ARHGAP31: variants seen among roughly 807,000 people sequenced by gnomAD.
The protein encoded by ARHGAP31 is Rho GTPase activating protein 31.
In ARHGAP31, 34 loss-of-function variants were observed where a neutral mutation model predicts 113.9. The ratio of observed to expected loss-of-function variants is 0.30; its 90% confidence interval spans 0.23 to 0.40. The LOEUF (loss-of-function observed/expected upper bound fraction) is 0.40. ARHGAP31 is among the 10% of genes least tolerant of loss of function. The probability of loss-of-function intolerance (pLI) is 1.00; values close to 1 mark genes in which losing one functional copy is unlikely to be tolerated. For missense variants in ARHGAP31, 1,548 were observed against 1,767.1 expected (o/e 0.88, Z 2.22); for synonymous variants, 650 against 684.8 (o/e 0.95, Z 0.79).
intron 1 of ARHGAP31, among the ~76,000 whole-genome samples, chr3:119,321,837 G>A (rs974302900): frequency 3.3e-5 from 5 of 152,068 alleles, no homozygotes; most frequent in African/African-American, 9.7e-5. Context: ...ATTTTTAGTG[G>A]AGACGGGGTT....
intron 5 of ARHGAP31, among the ~76,000 whole-genome samples, chr3:119,382,839 A>T (rs958333281): frequency 6.6e-6 from 1 of 152,224 alleles, no homozygotes; most frequent in Non-Finnish European, 1.5e-5. Flanking sequence ...CAATTTCTGT[A>T]TGTTTACAGG....
intron 1 of ARHGAP31, among the ~76,000 whole-genome samples, chr3:119,300,894 C>T (rs1385872381): frequency 6.6e-6 from 1 of 151,528 alleles, no homozygotes; most frequent in Non-Finnish European, 1.5e-5. Context: ...CAGCTGAGTC[C>T]AGCAGAGCTG....
intron 1 of ARHGAP31, among the ~76,000 whole-genome samples, chr3:119,357,111 G>T (rs1420796032): frequency 6.6e-6 from 1 of 152,192 alleles, no homozygotes; most frequent in Admixed American, 6.5e-5. Context: ...TGATATATCA[G>T]TGCAGTTTTA....
chr3:119,415,437 C>A lies in ARHGAP31; in HGVS notation c.3508C>A (p.His1170Asn). The A allele has an allele frequency of 6.2e-7, 1 of 1,614,082 alleles. No homozygotes were observed. Among genetic ancestry groups the A allele is most frequent in the Non-Finnish European group, 8.5e-7 (1 of 1,180,028 alleles). The change falls in exon 12 of 12, where the codon CAT becomes AAT. Residue 1170 changes from histidine (H) to asparagine (N), a missense_variant. By Grantham distance (68) the His-to-Asn change is moderately conservative (BLOSUM62 1). Transcript: ENST00000264245. ...QDPQDLDIVA[H>N]ALTGRRNSAP... ...CCCCCAGGACCTGGACATTGTTGCT[C>A]ATGCACTGACAGGCCGCCGTAACTC...
At chr3:119,342,685 C>T (rs187429151) in intron 1 of ARHGAP31, among the ~76,000 whole-genome samples, 4 of 152,370 alleles carry the variant, frequency 2.6e-5, no homozygotes, top group Admixed American at 2.0e-4. Context: ...TGCAGTGGCT[C>T]ATGCCTGTAT....
At chr3:119,378,270 G>A (rs943285080) in intron 3 of ARHGAP31, among the ~76,000 whole-genome samples, 1 of 152,168 alleles carries the variant, frequency 6.6e-6, no homozygotes, top group African/African-American at 2.4e-5. Flanking sequence ...GGACAACATA[G>A]AGAAGCTCGA....
intron 1 of ARHGAP31, among the ~76,000 whole-genome samples, chr3:119,313,017 G>A (rs1576988721): frequency 6.6e-6 from 1 of 152,190 alleles, no homozygotes; most frequent in Non-Finnish European, 1.5e-5. Context: ...CTATTTTCAA[G>A]TGAGAGTAGA....
intron 6 of ARHGAP31, among the ~76,000 whole-genome samples, chr3:119,388,306 TTTTATATA>T (rs2080471892): frequency 2.3e-5 from 1 of 43,916 alleles, no homozygotes; most frequent in South Asian, 7.7e-4. Flanking sequence ...TATGTATAAT[TTTTATATA>T]TATATATATA....
At chr3:119,413,804 C>G in intron 11 of ARHGAP31, 52 bp from the exon 12 acceptor site, 4 of 1,613,804 alleles carry the variant, frequency 2.5e-6, no homozygotes, top group Non-Finnish European at 1.7e-6. Flanking sequence ...ACGCTGATGT[C>G]AGCACCCAGA....
In ARHGAP31 at chr3:119,380,914, C is replaced by T. The variant is rs763491256; in HGVS notation, c.359C>T (p.Ser120Leu). 26 of 1,613,932 alleles carry T rather than the reference C, an allele frequency of 1.6e-5. No homozygotes were observed. Among genetic ancestry groups the T allele is most frequent in the East Asian group, 1.1e-4 (5 of 44,896 alleles). The change falls in exon 4 of 12, where the codon TCG becomes TTG. Residue 120 changes from serine to leucine, a missense_variant. Coordinates refer to ENST00000264245, the MANE Select transcript of ARHGAP31 (RefSeq NM_020754.4). ...ELYEKFTEAV[S>L]HCPEEGQLAR... ...TGTTCTTCTCCACAGGAGGCAGTGTCGCATTGCCCTGAAGAAGGCCAACTG... is the reference window on the plus strand; with the variant it reads ...TGTTCTTCTCCACAGGAGGCAGTGTTGCATTGCCCTGAAGAAGGCCAACTG...
chr3:119,325,484 G>A (rs2107604583), intron 1 of ARHGAP31, among the ~76,000 whole-genome samples: 1 of 152,306 alleles, frequency 6.6e-6, no homozygotes, highest in Non-Finnish European at 1.5e-5. Context: ...TGCTGGGTCG[G>A]GAGTCTGCCC....
Position 119,416,246 on chromosome 3 carries a change from T to A in ARHGAP31, c.4317T>A (p.Ser1439Arg). Reference protein sequence around the residue: ...QRRSVILDGRSGRQIE With the variant: ...QRRSVILDGRRGRQIE The stretch of plus-strand genomic sequence containing the variant: ...GATCAGTAATTCTGGATGGAAGAAG[T>A]GGGAGGCAAATAGAATGATTTCGGT... Residue 1439 changes from serine to arginine, a missense_variant, in exon 12 of 12, where the codon AGT becomes AGA. Transcript: ENST00000264245. 2 of 1,613,980 alleles carry A rather than the reference T, an allele frequency of 1.2e-6. No individual in the cohort carries two copies. The highest frequency in any genetic ancestry group is 2.2e-5 in the South Asian group (2 of 91,078).
rs536916404 is a variant in ARHGAP31, at chr3:119,355,766, C to G, written c.101-9550C>G. ...TTTTCTGTCTTTGCGATAGTTTGCT[C>G]AGAATGATGGTTTCCAGCTTCATCC... On this transcript the variant is annotated intron_variant, in intron 1 of 11. Transcript: ENST00000264245. 2.0e-4 allele frequency among the ~76,000 whole-genome samples: 31 copies of G among 152,258 alleles called. 1 individual carries two copies. In the South Asian group the frequency reaches 6.2e-3, roughly 31 times the overall value.
At chr3:119,306,789 C>G (rs1223692277) in intron 1 of ARHGAP31, among the ~76,000 whole-genome samples, 1 of 152,172 alleles carries the variant, frequency 6.6e-6, no homozygotes, top group Non-Finnish European at 1.5e-5. Flanking sequence ...CCTTGGCCTA[C>G]TGATCTCACT....
At position 119,365,449 on chromosome 3, in the gene ARHGAP31, C is replaced by T. The variant is rs762584898; in HGVS notation, c.203+31C>T. Reference sequence around the variant, plus strand: ...CTAAAAGAATAGCCCTAAAAGAATTCTCCCATGATTCCTCCTGTGTCCATG... The same window carrying T: ...CTAAAAGAATAGCCCTAAAAGAATTTTCCCATGATTCCTCCTGTGTCCATG... On this transcript the variant is annotated intron_variant, in intron 2 of 11. Transcript: ENST00000264245. 7 of 1,568,972 alleles carry T rather than the reference C, an allele frequency of 4.5e-6. No homozygotes were observed. The African/African-American group carries it at 6.8e-5, about 15-fold the overall frequency.
At chr3:119,337,225 G>A (rs767568887) in intron 1 of ARHGAP31, among the ~76,000 whole-genome samples, 2 of 152,082 alleles carry the variant, frequency 1.3e-5, no homozygotes, top group South Asian at 2.1e-4. Flanking sequence ...TCTGATGTTC[G>A]GACATCTCCA....
At chr3:119,328,872 T>C (rs1313254232) in intron 1 of ARHGAP31, among the ~76,000 whole-genome samples, 3 of 152,172 alleles carry the variant, frequency 2.0e-5, no homozygotes, top group Non-Finnish European at 4.4e-5. Context: ...TCTGTACTTC[T>C]GTGTTTTCAT....
At chr3:119,396,833 G>A (rs1316119573) in intron 8 of ARHGAP31, among the ~76,000 whole-genome samples, 1 of 152,138 alleles carries the variant, frequency 6.6e-6, no homozygotes, top group East Asian at 1.9e-4. Context: ...AAGAAATAAA[G>A]TATAGGAAAA....
At chr3:119,314,311 A>G (rs2079710343) in intron 1 of ARHGAP31, 1 of 152,136 alleles carries the variant, frequency 6.6e-6, no homozygotes, top group Non-Finnish European at 1.5e-5. Flanking sequence ...CCAGAGAAAA[A>G]GTTAGGTGCC....
Sources: allele counts gnomAD v4.1 joint callset (sites outside exome capture counted in the v4.1 genomes callset), GRCh38; gene constraint gnomAD v4.1.1; transcripts MANE v1.5; gene names NCBI Gene and HGNC (gene_info 2026-07-23, HGNC 2026-07-21).